Variants in TACR3 observed in about 807,000 individuals in gnomAD.
The protein encoded by TACR3 is neuromedin-K receptor.
Under a neutral mutation model 35.0 loss-of-function variants are expected in TACR3, and 34 were observed. That is an observed-to-expected ratio of 0.97 (90% CI 0.74 to 1.30). The LOEUF (loss-of-function observed/expected upper bound fraction) is 1.30, where lower values mean the gene tolerates loss of function less well. TACR3 is among the 50% of genes most tolerant of loss of function. TACR3 has a pLI of 0.00. For missense variants in TACR3, 558 were observed against 591.7 expected, an observed-to-expected ratio of 0.94 and a Z score of 0.59; for synonymous variants, 233 against 221.1, an observed-to-expected ratio of 1.05 and a Z score of -0.48.
At chr4:103,619,781 A>ATGAT (rs1265335123) in intron 3 of TACR3, among the ~76,000 whole-genome samples, 1 of 152,230 alleles carries the variant, frequency 6.6e-6, no homozygotes, top group East Asian at 1.9e-4. Context: ...ACATGACAAT[A>ATGAT]TGATTTGTGC....
chr4:103,680,518 TATATACACATATATATAC>T (rs1382992331), intron 1 of TACR3, among the ~76,000 whole-genome samples: 2 of 148,810 alleles, frequency 1.3e-5, no homozygotes, highest in African/African-American at 4.9e-5. Flanking sequence ...CACACATATA[TATATACACATATATATAC>T]ATATATATAC....
chr4:103,716,817 A>C (rs562777997), intron 1 of TACR3, among the ~76,000 whole-genome samples: 2 of 152,324 alleles, frequency 1.3e-5, no homozygotes, highest in East Asian at 3.9e-4. Context: ...GGGGATAGAA[A>C]ACACTCAAAA....
At chr4:103,606,840 C>G (rs909662072) in intron 3 of TACR3, among the ~76,000 whole-genome samples, 1 of 152,140 alleles carries the variant, frequency 6.6e-6, no homozygotes, top group Non-Finnish European at 1.5e-5. Context: ...TTGCCCTGTC[C>G]AGAACTTCCA....
At chr4:103,662,217 GTTT>G (rs34317006) in intron 1 of TACR3, among the ~76,000 whole-genome samples, 2 of 86,264 alleles carry the variant, frequency 2.3e-5, no homozygotes, top group East Asian at 3.3e-4. Flanking sequence ...TGTTGATGGT[GTTT>G]TTTTTTTTTT....
intron 1 of TACR3, among the ~76,000 whole-genome samples, chr4:103,677,357 G>GC (rs1726191374): frequency 6.6e-6 from 1 of 152,040 alleles, no homozygotes; most frequent in African/African-American, 2.4e-5. Flanking sequence ...TCCCATTACT[G>GC]ATATATACCC....
intron 2 of TACR3, among the ~76,000 whole-genome samples, chr4:103,657,246 A>T (rs574108396): frequency 7.2e-5 from 11 of 151,886 alleles, no homozygotes; most frequent in Admixed American, 1.3e-4. Context: ...TGTTTTTTGT[A>T]AAGTGAATCT....
intron 3 of TACR3, among the ~76,000 whole-genome samples, chr4:103,630,903 C>T (rs1013197546): frequency 2.0e-5 from 3 of 152,150 alleles, no homozygotes; most frequent in Non-Finnish European, 4.4e-5. Context: ...TGGCACTATT[C>T]ACAATAGCAA....
At chr4:103,669,745 T>G (rs2110335903) in intron 1 of TACR3, among the ~76,000 whole-genome samples, 1 of 152,152 alleles carries the variant, frequency 6.6e-6, no homozygotes, top group African/African-American at 2.4e-5. Context: ...GTTCCTAATT[T>G]CTTCTCAGTT....
chr4:103,698,787 G>A (rs1722583437), intron 1 of TACR3, among the ~76,000 whole-genome samples: 2 of 151,430 alleles, frequency 1.3e-5, no homozygotes, highest in Admixed American at 6.6e-5. Flanking sequence ...TAAAATAAAA[G>A]AGTGGAATTG....
At chr4:103,717,145 C>A (rs1723107968) in intron 1 of TACR3, among the ~76,000 whole-genome samples, 1 of 151,958 alleles carries the variant, frequency 6.6e-6, no homozygotes, top group South Asian at 2.1e-4. Flanking sequence ...GACTGGTAAT[C>A]TATTGAGAGT....
chr4:103,611,437 ATAAT>A (rs1724509443), intron 3 of TACR3, among the ~76,000 whole-genome samples: 2 of 152,090 alleles, frequency 1.3e-5, no homozygotes, highest in Non-Finnish European at 2.9e-5. Flanking sequence ...GCTGTTGGTG[ATAAT>A]TAATAACTAA....
Position 103,689,323 on chromosome 4 carries a change from C to T in TACR3, c.548+29805G>A, listed in dbSNP as rs560635567. 2.9e-4 allele frequency among the ~76,000 whole-genome samples: 44 copies of T among 151,472 alleles called. 1 individual carries two copies. The highest frequency in any genetic ancestry group is 2.5e-3 in the South Asian group (12 of 4,776). On this transcript the variant is annotated intron_variant, in intron 1 of 4. Transcript: ENST00000304883. ...CTAGATGACGAGTTAGTGGGTGCAG[C>T]GCACCAGCATGTCACATGTATACAT...
Position 103,719,639 on chromosome 4 carries a change from C to T in TACR3, c.37G>A (p.Gly13Arg). The T allele has an allele frequency of 1.9e-6, 3 of 1,613,428 alleles. No individual in the cohort carries two copies. The highest frequency in any genetic ancestry group is 1.7e-6 in the Non-Finnish European group (2 of 1,180,008). Reference protein sequence around the residue: ...TLPAAETWIDGGGGVGADAVN... With the variant: ...TLPAAETWIDRGGGVGADAVN... ...GCGTCTGCACCCACGCCTCCACCCCCGTCTATCCAGGTTTCTGCTGCTGGG... is the reference window on the plus strand; with the variant it reads ...GCGTCTGCACCCACGCCTCCACCCCTGTCTATCCAGGTTTCTGCTGCTGGG... The change falls in exon 1 of 5, where the codon GGG becomes AGG. Residue 13 changes from glycine (G) to arginine (R), a missense_variant. Physicochemically the swap from Gly to Arg is moderately radical, Grantham distance 125. Transcript: ENST00000304883.
intron 3 of TACR3, among the ~76,000 whole-genome samples, chr4:103,623,820 G>A (rs1051234531): frequency 6.6e-6 from 1 of 152,128 alleles, no homozygotes; most frequent in African/African-American, 2.4e-5. Flanking sequence ...AATTTTCTAG[G>A]AGATGCTCCA....
chr4:103,624,319 G>C (rs911477062), intron 3 of TACR3: 25 of 152,076 alleles, frequency 1.6e-4, no homozygotes, highest in Non-Finnish European at 1.5e-5. Flanking sequence ...CTGTTGCAGA[G>C]ATTTATATAA....
intron 1 of TACR3, among the ~76,000 whole-genome samples, chr4:103,685,110 T>A (rs1050241761): frequency 2.6e-5 from 4 of 152,060 alleles, no homozygotes; most frequent in South Asian, 2.1e-4. Context: ...AATCACTCTA[T>A]CACATTTAAG....
At chr4:103,695,472 TTTTC>T (rs1367375930) in intron 1 of TACR3, among the ~76,000 whole-genome samples, 1 of 152,176 alleles carries the variant, frequency 6.6e-6, no homozygotes, top group African/African-American at 2.4e-5. Flanking sequence ...TTCCTTATGA[TTTTC>T]TTAATAATAT....
chr4:103,677,009 A>G (rs188837691), intron 1 of TACR3, among the ~76,000 whole-genome samples: 57 of 152,312 alleles, frequency 3.7e-4, no homozygotes, highest in African/African-American at 1.4e-3. Context: ...TAACAAATTT[A>G]CAAGAAAAAA....
chr4:103,716,106 C>T (rs2110234085), intron 1 of TACR3, among the ~76,000 whole-genome samples: 1 of 152,146 alleles, frequency 6.6e-6, no homozygotes, highest in South Asian at 2.1e-4. Context: ...CTTGGAAAAG[C>T]TTATCATCTT....
Sources: gnomAD v4.1 joint callset for allele counts (sites outside exome capture counted in the v4.1 genomes callset) on GRCh38, gnomAD v4.1.1 for gene constraint, MANE v1.5 for transcripts, NCBI Gene and HGNC (gene_info 2026-07-23, HGNC 2026-07-21) for gene names.